XIRP2: variants seen among roughly 807,000 people sequenced by gnomAD.
The protein encoded by XIRP2 is xin actin binding repeat containing 2.
XIRP2 carries 236 observed loss-of-function variants against 277.0 expected under a neutral mutation model. That is an observed-to-expected ratio of 0.85 (90% CI 0.77 to 0.95). XIRP2 has a LOEUF of 0.95. Among genes scored for constraint, XIRP2 ranks in the 40% least tolerant of loss-of-function variants. XIRP2 has a pLI of 0.00. For missense variants in XIRP2, 4,640 were observed against 4,157.5 expected (o/e 1.12, Z -3.19); for synonymous variants, 1,490 against 1,416.5 (o/e 1.05, Z -1.17).
chr2:167,096,123 G>A (rs1234044501), intron 2 of XIRP2, among the ~76,000 whole-genome samples: 1 of 151,748 alleles, frequency 6.6e-6, no homozygotes, highest in Non-Finnish European at 1.5e-5. Context: ...AGAAGGAATG[G>A]TGCCAGCTCC....
intron 5 of XIRP2, among the ~76,000 whole-genome samples, chr2:167,225,882 T>C (rs1573973338): frequency 6.6e-6 from 1 of 152,306 alleles, no homozygotes; most frequent in East Asian, 1.9e-4. Context: ...TGGGCTTTGA[T>C]GATGAAAAGA....
intron 3 of XIRP2, chr2:167,187,275 C>A (rs1693182730): frequency 1.0e-6 from 1 of 985,138 alleles, no homozygotes; most frequent in African/African-American, 1.7e-5. Flanking sequence ...TTGACTCAGG[C>A]CCCACCTATA....
intron 2 of XIRP2, among the ~76,000 whole-genome samples, chr2:166,988,013 A>G (rs764256762): frequency 2.6e-5 from 4 of 152,216 alleles, no homozygotes; most frequent in Non-Finnish European, 5.9e-5. Context: ...CTCCAGAGCA[A>G]TTGGGGCAGA....
At chr2:167,214,226 GAGGAAGGAAGGA>G (rs1295438859) in intron 4 of XIRP2, among the ~76,000 whole-genome samples, 6 of 67,290 alleles carry the variant, frequency 8.9e-5, no homozygotes, top group Admixed American at 1.5e-4. Flanking sequence ...GGGAGGGAGG[GAGGAAGGAAGGA>G]AGGAAGGAAG....
At chr2:167,234,250 AAAG>A (rs1392242013) in intron 5 of XIRP2, among the ~76,000 whole-genome samples, 2 of 151,588 alleles carry the variant, frequency 1.3e-5, no homozygotes, top group East Asian at 3.9e-4. Flanking sequence ...GTTTTGAGTC[AAAG>A]AAGAGTTAAA....
chr2:167,135,316 A>G (rs1037531619), intron 2 of XIRP2, among the ~76,000 whole-genome samples: 18 of 152,042 alleles, frequency 1.2e-4, no homozygotes, highest in Non-Finnish European at 2.6e-4. Context: ...CTATGTTGGA[A>G]ATATCCTTTA....
intron 1 of XIRP2, among the ~76,000 whole-genome samples, chr2:166,902,034 C>G (rs546094880): frequency 6.6e-6 from 1 of 152,176 alleles, no homozygotes; most frequent in South Asian, 2.1e-4. Flanking sequence ...TTATACGCAT[C>G]ATCAAATTTA....
rs1183673606 is a variant in XIRP2 at position 166,932,974 on chromosome 2, A to C, written c.408+29084A>C. Among the ~76,000 whole-genome samples, 3 of 152,062 alleles carry C rather than the reference A, an allele frequency of 2.0e-5. No homozygotes were observed. In the South Asian group the frequency reaches 6.2e-4, roughly 31 times the overall value. ...TTGTAATAAATATTAAAACCTGGTG[A>C]ACTTCCTCAACCCTAGTTCTTCTTC... On this transcript the variant is annotated intron_variant, in intron 2 of 10. Coordinates refer to ENST00000409195, the MANE Select transcript of XIRP2 (RefSeq NM_152381.6).
In XIRP2 at chr2:167,029,638, G is replaced by A. The variant is rs377210473; in HGVS notation, c.409-106271G>A. On this transcript the variant is annotated intron_variant, in intron 2 of 10. Transcript: ENST00000409195. ...TTTTATTGAGAATTTTTGCATCGAC[G>A]TTCATCAGGTATATTGGCGTGAAAT... Among the ~76,000 whole-genome samples, 19 of 152,194 alleles carry A rather than the reference G, an allele frequency of 1.2e-4. No individual in the cohort carries two copies. The East Asian group carries it at 3.1e-3, about 25-fold the overall frequency.
chr2:167,147,742 G>A (rs1248693052), intron 3 of XIRP2, among the ~76,000 whole-genome samples: 2 of 152,144 alleles, frequency 1.3e-5, no homozygotes, highest in Non-Finnish European at 2.9e-5. Flanking sequence ...GTCATTTGCT[G>A]ATTAATCTGT....
intron 2 of XIRP2, among the ~76,000 whole-genome samples, chr2:166,914,581 A>T (rs1684811880): frequency 1.3e-5 from 2 of 152,110 alleles, no homozygotes; most frequent in East Asian, 1.9e-4. Context: ...ACCTCGAGTG[A>T]TCCACCTGCC....
chr2:167,105,534 A>T (rs1690595080), intron 2 of XIRP2, among the ~76,000 whole-genome samples: 1 of 151,894 alleles, frequency 6.6e-6, no homozygotes, highest in Non-Finnish European at 1.5e-5. Flanking sequence ...GACATACCAG[A>T]TTGTTTAACT....
At chr2:167,160,325 T>C (rs1303880625) in intron 3 of XIRP2, among the ~76,000 whole-genome samples, 2 of 152,218 alleles carry the variant, frequency 1.3e-5, no homozygotes, top group Non-Finnish European at 2.9e-5. Context: ...TTTTATTCTA[T>C]GGATGTGCAT....
At position 167,249,172 on chromosome 2, in the gene XIRP2, G is replaced by A. The variant is rs779346012; in HGVS notation, c.7780G>A (p.Glu2594Lys). Residue 2594 changes from glutamate (E) to lysine (K), a missense_variant, in exon 9 of 11, where the codon GAG becomes AAG. Coordinates refer to ENST00000409195, the MANE Select transcript of XIRP2 (RefSeq NM_152381.6). Reference sequence around the variant, plus strand: ...GGAAATGCCATTACAAAAAACCAATGAGGAGGTTTCCCTATCTGGAATTGA... The same window carrying A: ...GGAAATGCCATTACAAAAAACCAATAAGGAGGTTTCCCTATCTGGAATTGA... ...EKEMPLQKTN[E>K]EVSLSGIDSE... The A allele has an allele frequency of 4.3e-6, 7 of 1,613,582 alleles. No homozygotes were observed. In the South Asian group the frequency reaches 7.7e-5, roughly 18 times the overall value.
chr2:167,135,840 C>A, intron 2 of XIRP2, 69 bp from the exon 3 acceptor site: 1 of 1,369,222 alleles, frequency 7.3e-7, no homozygotes, highest in Non-Finnish European at 9.6e-7. Flanking sequence ...GCCTTCTAAC[C>A]CCCCTAAAAA....
intron 2 of XIRP2, among the ~76,000 whole-genome samples, chr2:166,907,647 G>A (rs755088659): frequency 6.6e-5 from 10 of 151,450 alleles, no homozygotes; most frequent in Non-Finnish European, 1.5e-4. Flanking sequence ...AAGTTCTAGG[G>A]TACATGTGCA....
chr2:167,244,061 G>C lies in XIRP2; in HGVS notation c.2669G>C (p.Ser890Thr). 1.2e-6 allele frequency: 2 copies of C among 1,613,844 alleles called. No individual in the cohort carries two copies. The highest frequency in any genetic ancestry group is 2.2e-5 in the East Asian group (1 of 44,830). ...CTTCCAATTGAAGCATTAAAAGACA[G>C]TCCTGATATAGGAAAGCTTCAAAAA... ...ETLPIEALKD[S>T]PDIGKLQKIT... Residue 890 changes from serine (S) to threonine (T), a missense_variant, in exon 9 of 11, where the codon AGT becomes ACT. Coordinates refer to ENST00000409195, the MANE Select transcript of XIRP2 (RefSeq NM_152381.6).
intron 2 of XIRP2, among the ~76,000 whole-genome samples, chr2:166,981,886 T>C (rs923989277): frequency 5.3e-5 from 8 of 152,206 alleles, no homozygotes; most frequent in African/African-American, 1.9e-4. Context: ...CACTTAGATA[T>C]ACTTTAAATA....
chr2:167,248,834 T>G lies in XIRP2; in HGVS notation c.7442T>G (p.Val2481Gly). 6.2e-7 allele frequency: 1 copy of G among 1,613,508 alleles called. No individual in the cohort carries two copies. The highest frequency in any genetic ancestry group is 8.5e-7 in the Non-Finnish European group (1 of 1,179,726). The change falls in exon 9 of 11, where the codon GTT becomes GGT. Residue 2481 changes from valine (V) to glycine (G), a missense_variant. By Grantham distance (109) the Val-to-Gly change is moderately radical. Transcript: ENST00000409195. Reference sequence around the variant, plus strand: ...GAACACACGGAGACAAAGCAGAACGTTATTAGTAAGAGTCTTGATGAAAGA... The same window carrying G: ...GAACACACGGAGACAAAGCAGAACGGTATTAGTAAGAGTCTTGATGAAAGA... ...SSEHTETKQN[V>G]ISKSLDERKQ...
Sources: allele counts gnomAD v4.1 joint callset (sites outside exome capture counted in the v4.1 genomes callset), GRCh38; gene constraint gnomAD v4.1.1; transcripts MANE v1.5; gene names NCBI Gene and HGNC (gene_info 2026-07-23, HGNC 2026-07-21).